The following ERLIN1 variants were observed in gnomAD, a reference collection of about 807,000 sequenced individuals.
ERLIN1 encodes the protein erlin-1.
A neutral mutation model predicts 46.9 loss-of-function variants in ERLIN1; 24 were observed. The observed-to-expected ratio is 0.51, with a 90% confidence interval of 0.37 to 0.72. The LOEUF is 0.72. Among genes scored for constraint, ERLIN1 ranks in the 30% least tolerant of loss-of-function variants. The pLI is 0.00. For synonymous variants in ERLIN1, 158 were observed against 143.2 expected, an observed-to-expected ratio of 1.10 and a Z score of -0.74; for missense variants, 293 against 417.9, an observed-to-expected ratio of 0.70 and a Z score of 2.61.
At chr10:100,181,740 C>T (rs979959004) in intron 2 of ERLIN1, among the ~76,000 whole-genome samples, 2 of 152,184 alleles carry the variant, frequency 1.3e-5, no homozygotes, top group African/African-American at 4.8e-5. Context: ...TCTTGAACTC[C>T]TGACCTCAAG....
At chr10:100,152,450 C>A in intron 10 of ERLIN1, 98 bp from the exon 11 acceptor site, 1 of 763,864 alleles carries the variant, frequency 1.3e-6, no homozygotes, top group South Asian at 1.5e-5. Context: ...TCCTGAGTAT[C>A]ATGAGTCAAG....
At chr10:100,176,116 C>A (rs751942689) in intron 4 of ERLIN1, 46 bp from the exon 5 acceptor site, 4 of 1,552,716 alleles carry the variant, frequency 2.6e-6, no homozygotes, top group Non-Finnish European at 3.5e-6. Flanking sequence ...AACAATGACA[C>A]AGGTACCTTC....
intron 5 of ERLIN1, among the ~76,000 whole-genome samples, chr10:100,174,999 T>C (rs748170096): frequency 1.3e-5 from 2 of 152,198 alleles, no homozygotes; most frequent in Non-Finnish European, 2.9e-5. Context: ...GAGGACTCAA[T>C]TGGTAGATTT....
rs1203701204 is a variant in ERLIN1, at chr10:100,178,149, C to A, written c.288G>T (p.Met96Ile). ...IYIDRIEVVN[M>I]LAPYAVFDIV... ...GTAACATACCTGCATAAGGAGCCAACATATTAACCACTTCTATTCGGTCAA... is the reference window on the plus strand; with the variant it reads ...GTAACATACCTGCATAAGGAGCCAAAATATTAACCACTTCTATTCGGTCAA... Residue 96 changes from methionine to isoleucine, a missense_variant, in exon 4 of 11, where the codon ATG (methionine) becomes ATT (isoleucine). Transcript: ENST00000421367. 1.9e-6 allele frequency: 3 copies of A among 1,580,404 alleles called. No homozygotes were observed. Among genetic ancestry groups the A allele is most frequent in the Non-Finnish European group, 2.6e-6 (3 of 1,161,310 alleles).
intron 6 of ERLIN1, 43 bp from the exon 7 acceptor site, chr10:100,167,449 A>T: frequency 2.0e-6 from 3 of 1,469,744 alleles, no homozygotes; most frequent in Non-Finnish European, 2.8e-6. Flanking sequence ...TTTGAAAGAT[A>T]AATCTTCAAA....
Position 100,152,308 on chromosome 10 carries a change from G to A in ERLIN1, c.870C>T (p.Ala290=), listed in dbSNP as rs1247000338. The A allele has an allele frequency of 6.2e-6, 10 of 1,613,432 alleles. No individual in the cohort carries two copies. The highest frequency in any genetic ancestry group is 8.5e-6 in the Non-Finnish European group (10 of 1,179,338). ...PEYLELKKYQ[A]IASNSKIYFG... is the part of the protein sequence containing the mutation. Reference sequence around the variant, plus strand: ...AATAGATCTTACTGTTAGAAGCAATGGCCTGGTACTTTTTGAGCTCCAGAT... The same window carrying A: ...AATAGATCTTACTGTTAGAAGCAATAGCCTGGTACTTTTTGAGCTCCAGAT... Residue 290 remains alanine (A), a synonymous_variant, in exon 11 of 11, where the codon GCC becomes GCT. Transcript: ENST00000421367.
chr10:100,164,020 CCT>C lies in ERLIN1; in HGVS notation c.637_638del (p.Arg213GlufsTer28), dbSNP rs1308175726. The C allele has an allele frequency of 1.2e-6, 2 of 1,611,346 alleles. No individual in the cohort carries two copies. Among genetic ancestry groups the C allele is most frequent in the Non-Finnish European group, 1.7e-6 (2 of 1,177,900 alleles). On this transcript the variant is annotated frameshift_variant, in exon 8 of 11. Transcript: ENST00000421367. LOFTEE classifies it high-confidence loss of function. ...TCCAAGTACCTATAACTGCCTTTTT[CCT>C]CTCTGTCTCAGCTTCTTTTTCCACA... ...KVVEKEAETE[R>X]KKAVIEAEKI...
chr10:100,160,978 A>G lies in ERLIN1; in HGVS notation c.655+3026T>C, dbSNP rs1843338357. Among the ~76,000 whole-genome samples, 3 of 152,220 alleles carry G rather than the reference A, an allele frequency of 2.0e-5. No homozygotes were observed. The South Asian group carries it at 6.2e-4, about 31-fold the overall frequency. On this transcript the variant is annotated intron_variant, in intron 8 of 10. Coordinates refer to ENST00000421367, the MANE Select transcript of ERLIN1 (RefSeq NM_006459.4). Reference sequence around the variant, plus strand: ...ATTCTGAAAGTTTTAACAGCCATTCAAAATGAAAGCTCTCAGCAAGCAAAG... The same window carrying G: ...ATTCTGAAAGTTTTAACAGCCATTCGAAATGAAAGCTCTCAGCAAGCAAAG...
At chr10:100,174,463 A>G (rs2134159274) in intron 5 of ERLIN1, among the ~76,000 whole-genome samples, 182 bp from the exon 6 acceptor site, 1 of 152,348 alleles carries the variant, frequency 6.6e-6, no homozygotes, top group African/African-American at 2.4e-5. Context: ...ATTATCTAAT[A>G]AAGAAATTAA....
chr10:100,155,457 G>T lies in ERLIN1; in HGVS notation c.746-518C>A, dbSNP rs1477611524. Among the ~76,000 whole-genome samples the T allele has an allele frequency of 2.1e-5, 3 of 144,648 alleles. No individual in the cohort carries two copies. In the South Asian group the frequency reaches 6.6e-4, roughly 32 times the overall value. 94.9% of individuals were successfully genotyped at this position (144,648 alleles called of 152,430 possible). ...ACTGTTTTTCCCCCCAATTAATTTTGTTTTTTTTTTGGACAGGTGGAAAAG... is the reference window on the plus strand; with the variant it reads ...ACTGTTTTTCCCCCCAATTAATTTTTTTTTTTTTTTGGACAGGTGGAAAAG... On this transcript the variant is annotated intron_variant, in intron 9 of 10. Coordinates refer to ENST00000421367, the MANE Select transcript of ERLIN1 (RefSeq NM_006459.4).
intron 2 of ERLIN1, 147 bp downstream of exon 2, chr10:100,183,609 C>CA: frequency 1.9e-6 from 1 of 517,776 alleles, no homozygotes; most frequent in Non-Finnish European, 3.5e-6. Context: ...TGTGTTGTAA[C>CA]AACTGTACTC....
At position 100,163,784 on chromosome 10, in the gene ERLIN1, A is replaced by G. The variant is rs79602014; in HGVS notation, c.655+220T>C. Among the ~76,000 whole-genome samples the G allele has an allele frequency of 1.7e-3, 261 of 152,372 alleles. 7 individuals are homozygous for G. In the East Asian group the frequency reaches 0.044, roughly 26 times the overall value. ...CCCTGTTCTTGAAAGAGACAACAGT[A>G]GCATCTAACAACATGATGGACAGCC... On this transcript the variant is annotated intron_variant, in intron 8 of 10. Coordinates refer to ENST00000421367, the MANE Select transcript of ERLIN1 (RefSeq NM_006459.4).
intron 8 of ERLIN1, among the ~76,000 whole-genome samples, chr10:100,161,682 C>T (rs899665639): frequency 6.6e-6 from 1 of 151,994 alleles, no homozygotes; most frequent in Non-Finnish European, 1.5e-5. Flanking sequence ...CAAGACTTAA[C>T]ATAAAAGCTA....
chr10:100,182,920 C>A (rs2134184554), intron 2 of ERLIN1, among the ~76,000 whole-genome samples: 1 of 152,310 alleles, frequency 6.6e-6, no homozygotes, highest in South Asian at 2.1e-4. Flanking sequence ...ATACATTTCA[C>A]TTCAGTAGAC....
In ERLIN1 at chr10:100,152,612, C is replaced by T. The variant is rs190702299; in HGVS notation, c.826-260G>A. Reference sequence around the variant, plus strand: ...ATAAAAGGATGGGGGAGTTGGAAAACAATTTGTGATAACTAATGATAATAA... The same window carrying T: ...ATAAAAGGATGGGGGAGTTGGAAAATAATTTGTGATAACTAATGATAATAA... On this transcript the variant is annotated intron_variant, in intron 10 of 10. Transcript: ENST00000421367. 2.3e-4 allele frequency among the ~76,000 whole-genome samples: 35 copies of T among 152,302 alleles called. No homozygotes were observed. The East Asian group carries it at 6.7e-3, about 29-fold the overall frequency.
Position 100,185,974 on chromosome 10 carries a change from C to T in ERLIN1, c.-348G>A, listed in dbSNP as rs777711054. On this transcript the variant is annotated 5_prime_UTR_variant, in exon 1 of 11. The change abolishes an upstream ATG in the 5' untranslated region. Transcript: ENST00000421367. ...GGCCGCGCCTCACCGATCAGTGACGCATCGCCCCCGCCCGCACGTGCAGCC... is the reference window on the plus strand; with the variant it reads ...GGCCGCGCCTCACCGATCAGTGACGTATCGCCCCCGCCCGCACGTGCAGCC... 51 of 446,372 alleles carry T rather than the reference C, an allele frequency of 1.1e-4. No homozygotes were observed. The highest frequency in any genetic ancestry group is 1.1e-4 in the Non-Finnish European group (29 of 254,826). 27.7% of individuals were successfully genotyped at this position (446,372 alleles called of 1,614,324 possible). A position where few individuals can be genotyped will look rare whatever the true frequency, so the allele number is the denominator to read the frequency against.
At chr10:100,162,777 A>G (rs1428852754) in intron 8 of ERLIN1, among the ~76,000 whole-genome samples, 1 of 152,222 alleles carries the variant, frequency 6.6e-6, no homozygotes. Context: ...AAAATGCTAT[A>G]AAAACTTCTA....
At chr10:100,162,398 G>C (rs898650090) in intron 8 of ERLIN1, among the ~76,000 whole-genome samples, 1 of 152,174 alleles carries the variant, frequency 6.6e-6, no homozygotes, top group Non-Finnish European at 1.5e-5. Flanking sequence ...GACCAAGAAG[G>C]ATGTGTGGAA....
chr10:100,185,757 C>G lies in ERLIN1; in HGVS notation c.-131G>C. 1.5e-6 allele frequency: 1 copy of G among 683,222 alleles called. No individual in the cohort carries two copies. Among genetic ancestry groups the G allele is most frequent in the South Asian group, 1.7e-5 (1 of 57,524 alleles). 42.3% of individuals were successfully genotyped at this position (683,222 alleles called of 1,614,324 possible). A position where few individuals can be genotyped will look rare whatever the true frequency, so the allele number is the denominator to read the frequency against. ...GCAGGCTGAGCCGGGGAGTCCAGTACCCCTGTCCCCTCATTCTTCCCTTCT... is the reference window on the plus strand; with the variant it reads ...GCAGGCTGAGCCGGGGAGTCCAGTAGCCCTGTCCCCTCATTCTTCCCTTCT... On this transcript the variant is annotated 5_prime_UTR_variant, in exon 1 of 11. Transcript: ENST00000421367.
Sources: allele counts gnomAD v4.1 joint callset (sites outside exome capture counted in the v4.1 genomes callset), GRCh38; gene constraint gnomAD v4.1.1; transcripts MANE v1.5; gene names NCBI Gene and HGNC (gene_info 2026-07-23, HGNC 2026-07-21).